Variants in FNTB observed in about 807,000 individuals in gnomAD.
FNTB encodes the protein protein farnesyltransferase subunit beta.
FNTB carries 27 observed loss-of-function variants against 59.4 expected under a neutral mutation model. The ratio of observed to expected loss-of-function variants is 0.45; its 90% confidence interval spans 0.34 to 0.63. The LOEUF (loss-of-function observed/expected upper bound fraction) is 0.63. Among genes scored for constraint, FNTB ranks in the 20% least tolerant of loss-of-function variants. The probability of loss-of-function intolerance (pLI) is 0.02; values close to 1 mark genes in which losing one functional copy is unlikely to be tolerated. For missense variants in FNTB, 449 were observed against 559.6 expected (o/e 0.80, Z 1.99); for synonymous variants, 230 against 220.7 (o/e 1.04, Z -0.37).
chr14:65,033,709 T>G (rs2062131892), intron 7 of FNTB, among the ~76,000 whole-genome samples: 1 of 152,012 alleles, frequency 6.6e-6, no homozygotes, highest in Non-Finnish European at 1.5e-5. Flanking sequence ...TACAAAAAAT[T>G]AGCTGGGCAT....
rs1393644643 is a variant in FNTB, at chr14:65,012,601, C to G, written c.282+212C>G. Among the ~76,000 whole-genome samples the G allele has an allele frequency of 3.3e-5, 5 of 152,180 alleles. No individual in the cohort carries two copies. Among genetic ancestry groups the G allele is most frequent in the African/African-American group, 1.2e-4 (5 of 41,442 alleles). On this transcript the variant is annotated intron_variant, in intron 3 of 11. Transcript: ENST00000246166. The surrounding 1 kb of genome is among the most constrained non-coding windows in gnomAD (Gnocchi z 5.0). ...TCTCTTCCAGAGTGAGTGGAGCACC[C>G]TAGATAGGATGGGGCTTTCTTCTGT...
In FNTB at chr14:65,027,282, A is replaced by T; in HGVS notation, c.375-171A>T. The T allele has an allele frequency of 1.0e-6, 1 of 990,818 alleles. No individual in the cohort carries two copies. Among genetic ancestry groups the T allele is most frequent in the Non-Finnish European group, 1.5e-6 (1 of 680,618 alleles). The allele number at this position is 990,818 out of a possible 1,614,324, so 61.4% of individuals were successfully genotyped here. A position where few individuals can be genotyped will look rare whatever the true frequency, so the allele number is the denominator to read the frequency against. ...CAGACAGAAATGATGATAGCTGGAG[A>T]GAGAATTAAGCCCTTTGGGGAGAGG... On this transcript the variant is annotated intron_variant, in intron 4 of 11. Transcript: ENST00000246166. The surrounding 1 kb of genome is among the most constrained non-coding windows in gnomAD (Gnocchi z 5.7).
In FNTB at chr14:65,012,880, T is replaced by G. The variant is rs2139513818; in HGVS notation, c.282+491T>G. Among the ~76,000 whole-genome samples the G allele has an allele frequency of 6.6e-6, 1 of 152,354 alleles. No individual in the cohort carries two copies. Among genetic ancestry groups the G allele is most frequent in the African/African-American group, 2.4e-5 (1 of 41,594 alleles). On this transcript the variant is annotated intron_variant, in intron 3 of 11. Coordinates refer to ENST00000246166, the MANE Select transcript of FNTB (RefSeq NM_002028.4). This position sits in a 1 kb window ranked among gnomAD's most constrained non-coding sequence, Gnocchi z 5.0. ...TAAAGAGACAAAAAACCCTTTCTTGTAATAAGATCTAATTTCTATACTGAC... is the reference window on the plus strand; with the variant it reads ...TAAAGAGACAAAAAACCCTTTCTTGGAATAAGATCTAATTTCTATACTGAC...
In FNTB at chr14:65,032,546, A is replaced by C; in HGVS notation, c.606-64A>C. The C allele has an allele frequency of 6.3e-7, 1 of 1,584,046 alleles. No individual in the cohort carries two copies. The highest frequency in any genetic ancestry group is 1.7e-5 in the Admixed American group (1 of 57,436). ...GGCAAGGCGAGCAGTCCGCCCGCGG[A>C]GTTCACTGAGCCTCATTAGCTCTTC... On this transcript the variant is annotated intron_variant, in intron 6 of 11. Coordinates refer to ENST00000246166, the MANE Select transcript of FNTB (RefSeq NM_002028.4). This position sits in a 1 kb window ranked among gnomAD's most constrained non-coding sequence, Gnocchi z 5.0.
At chr14:64,996,838 C>T (rs943282803) in intron 1 of FNTB, among the ~76,000 whole-genome samples, 2 of 148,436 alleles carry the variant, frequency 1.3e-5, no homozygotes, top group African/African-American at 5.0e-5. Context: ...TAGCCAAAGC[C>T]TCCTTTAACC....
intron 2 of FNTB, chr14:65,006,104 C>T (rs1013017788): frequency 5.7e-6 from 9 of 1,583,056 alleles, no homozygotes; most frequent in Non-Finnish European, 7.7e-6. Flanking sequence ...CTAGGTACTT[C>T]TGCTTACTGG....
intron 1 of FNTB, among the ~76,000 whole-genome samples, chr14:64,993,655 A>T (rs1400239195): frequency 6.6e-6 from 1 of 152,172 alleles, no homozygotes; most frequent in Non-Finnish European, 1.5e-5. Flanking sequence ...TTTCTGAAAC[A>T]TTCTGTCTCT....
Position 65,054,452 on chromosome 14 carries a change from C to G in FNTB, c.1068-123C>G. 4.0e-6 allele frequency: 4 copies of G among 992,798 alleles called. No individual in the cohort carries two copies. In the Admixed American group the frequency reaches 8.9e-5, roughly 22 times the overall value. 61.5% of individuals were successfully genotyped at this position (992,798 alleles called of 1,614,324 possible). ...CACTGCTGGGAAAACCATGCCTCCT[C>G]TAGCCACATGGAGGATGGGGGGGGA... On this transcript the variant is annotated intron_variant, in intron 10 of 11. Transcript: ENST00000246166. This position sits in a 1 kb window ranked among gnomAD's most constrained non-coding sequence, Gnocchi z 4.4.
At position 65,054,470 on chromosome 14, in the gene FNTB, G is replaced by T. The variant is rs1042594652; in HGVS notation, c.1068-105G>T. 75 of 1,120,874 alleles carry T rather than the reference G, an allele frequency of 6.7e-5. No homozygotes were observed. In the African/African-American group the frequency reaches 7.1e-4, roughly 11 times the overall value. The allele number at this position is 1,120,874 out of a possible 1,614,324, so 69.4% of individuals were successfully genotyped here. ...GCCTCCTCTAGCCACATGGAGGATG[G>T]GGGGGGACGTGTGATTGCACCAGTG... On this transcript the variant is annotated intron_variant, in intron 10 of 11. Transcript: ENST00000246166. The surrounding 1 kb of genome is among the most constrained non-coding windows in gnomAD (Gnocchi z 4.4).
chr14:64,996,175 G>A (rs1430460430), intron 1 of FNTB, among the ~76,000 whole-genome samples: 1 of 151,940 alleles, frequency 6.6e-6, no homozygotes, highest in African/African-American at 2.4e-5. Flanking sequence ...CCTGGGCTGG[G>A]CACCGTGGCT....
At chr14:65,051,058 T>C (rs1051642547) in intron 9 of FNTB, among the ~76,000 whole-genome samples, 1 of 152,234 alleles carries the variant, frequency 6.6e-6, no homozygotes, top group African/African-American at 2.4e-5. Flanking sequence ...AGTGCAAGTG[T>C]ATCAAAGCAT....
chr14:65,013,144 T>C (rs1356898107), intron 3 of FNTB, among the ~76,000 whole-genome samples: 1 of 152,124 alleles, frequency 6.6e-6, no homozygotes, highest in African/African-American at 2.4e-5. Flanking sequence ...CCACATTTGA[T>C]TATTTGTGGC....
At position 65,027,355 on chromosome 14, in the gene FNTB, GT is replaced by G. The variant is rs1462201951; in HGVS notation, c.375-97del. 1 of 1,556,474 alleles carries G rather than the reference GT, an allele frequency of 6.4e-7. No homozygotes were observed. Among genetic ancestry groups the G allele is most frequent in the Non-Finnish European group, 8.7e-7 (1 of 1,150,908 alleles). On this transcript the variant is annotated intron_variant, in intron 4 of 11. Coordinates refer to ENST00000246166, the MANE Select transcript of FNTB (RefSeq NM_002028.4). This position sits in a 1 kb window ranked among gnomAD's most constrained non-coding sequence, Gnocchi z 5.7. ...GAGGTTCCCCTCAACTTTTGAGGGA[GT>G]GGGGGATCATTGGAAAGGCCTGGAA...
In FNTB at chr14:65,024,250, T is replaced by TA. The variant is rs199646191; in HGVS notation, c.375-3195dup. ...GAACATTGGAATCACGTGGGGAGTT[T>TA]AAAAAAAATACTGCCACCTGGGTCC... On this transcript the variant is annotated intron_variant, in intron 4 of 11. Coordinates refer to ENST00000246166, the MANE Select transcript of FNTB (RefSeq NM_002028.4). Among the ~76,000 whole-genome samples the TA allele has an allele frequency of 5.1e-4, 78 of 152,134 alleles. 1 individual carries two copies. Among genetic ancestry groups the TA allele is most frequent in the South Asian group, 8.3e-4 (4 of 4,808 alleles).
At chr14:65,050,296 T>G (rs1376047787) in intron 9 of FNTB, among the ~76,000 whole-genome samples, 1 of 152,212 alleles carries the variant, frequency 6.6e-6, no homozygotes, top group Non-Finnish European at 1.5e-5. Context: ...TGATAACTTT[T>G]AAAAAGTAAC....
Position 65,011,520 on chromosome 14 carries a change from T to C in FNTB, c.210-797T>C, listed in dbSNP as rs1046773414. On this transcript the variant is annotated intron_variant, in intron 2 of 11. Transcript: ENST00000246166. The surrounding 1 kb of genome is among the most constrained non-coding windows in gnomAD (Gnocchi z 4.0). Reference sequence around the variant, plus strand: ...TTTGATAAACAATTGTGGAATTGACTACCTAGCAAAGGGAATGGTTCTCTT... The same window carrying C: ...TTTGATAAACAATTGTGGAATTGACCACCTAGCAAAGGGAATGGTTCTCTT... Among the ~76,000 whole-genome samples, 1 of 151,724 alleles carries C rather than the reference T, an allele frequency of 6.6e-6. No homozygotes were observed. The highest frequency in any genetic ancestry group is 1.5e-5 in the Non-Finnish European group (1 of 67,908).
At position 64,997,978 on chromosome 14, in the gene FNTB, A is replaced by G. The variant is rs1186864625; in HGVS notation, c.145-6271A>G. ...TATGCCAAAGAAGCCTATCGTGGGA[A>G]GACATATTCTGGTCTCCTACAGTCA... On this transcript the variant is annotated intron_variant, in intron 1 of 11. Transcript: ENST00000246166. The surrounding 1 kb of genome is among the most constrained non-coding windows in gnomAD (Gnocchi z 4.5). Among the ~76,000 whole-genome samples, 5 of 152,236 alleles carry G rather than the reference A, an allele frequency of 3.3e-5. No individual in the cohort carries two copies. The highest frequency in any genetic ancestry group is 3.3e-4 in the Admixed American group (5 of 15,278).
At position 65,061,251 on chromosome 14, in the gene FNTB, A is replaced by C. The variant is rs145309091; in HGVS notation, c.1253A>C (p.Lys418Thr). Residue 418 changes from lysine (K) to threonine (T), a missense_variant, in exon 12 of 12, where the codon AAG becomes ACG. Transcript: ENST00000246166. ...VIQATTYFLQ[K>T]PVPGFEELKD... The stretch of plus-strand genomic sequence containing the variant: ...CAGGCCACTACATACTTTCTACAGA[A>C]GCCAGTCCCAGGTTTTGAGGAGCTT... 1,414 of 1,614,084 alleles carry C rather than the reference A, an allele frequency of 8.8e-4. 3 individuals carry two copies. Among genetic ancestry groups the C allele is most frequent in the Non-Finnish European group, 1.1e-3 (1,276 of 1,180,044 alleles).
chr14:65,019,141 C>G (rs2061838804), intron 4 of FNTB, among the ~76,000 whole-genome samples: 2 of 151,994 alleles, frequency 1.3e-5, no homozygotes, highest in Admixed American at 1.3e-4. Context: ...CCACTGCACT[C>G]CAGCCTGGGC....
Sources: gnomAD v4.1 joint callset for allele counts (sites outside exome capture counted in the v4.1 genomes callset) on GRCh38, gnomAD v4.1.1 for gene constraint, Gnocchi (gnomAD v3.1) non-coding constraint, MANE v1.5 for transcripts, NCBI Gene and HGNC (gene_info 2026-07-23, HGNC 2026-07-21) for gene names.